Variants in MSH5 observed in about 807,000 individuals in gnomAD.
The protein encoded by MSH5 is mutS homolog 5.
MSH5 carries 78 observed loss-of-function variants against 107.7 expected under a neutral mutation model. The observed-to-expected ratio is 0.72, with a 90% CI of 0.60 to 0.87. The LOEUF is 0.87. Among genes scored for constraint, MSH5 ranks in the 40% least tolerant of loss-of-function variants. The probability of loss-of-function intolerance (pLI) is 0.00; values close to 1 mark genes in which losing one functional copy is unlikely to be tolerated. For synonymous variants in MSH5, 326 were observed against 399.5 expected, an observed-to-expected ratio of 0.82 and a Z score of 2.19; for missense variants, 889 against 1,046.6, an observed-to-expected ratio of 0.85 and a Z score of 2.08.
In MSH5 at chr6:31,740,485, A is replaced by T; in HGVS notation, c.19A>T (p.Asn7Tyr). ...CAAGCTCATGGCCTCCTTAGGAGCGAACCCAAGGAGGACACCGCAGGGACC... is the reference window on the plus strand; with the variant it reads ...CAAGCTCATGGCCTCCTTAGGAGCGTACCCAAGGAGGACACCGCAGGGACC... Reference protein sequence around the residue: MASLGANPRRTPQGPRP... With the variant: MASLGAYPRRTPQGPRP... The change falls in exon 2 of 25, where the codon AAC (asparagine) becomes TAC (tyrosine). Residue 7 changes from asparagine (N) to tyrosine (Y), a missense_variant. Physicochemically the swap from Asn to Tyr is moderately radical, Grantham distance 143. Transcript: ENST00000375750. The surrounding 1 kb of genome is among the most constrained non-coding windows in gnomAD (Gnocchi z 4.4). The T allele has an allele frequency of 6.4e-7, 1 of 1,568,346 alleles. No individual in the cohort carries two copies. Among genetic ancestry groups the T allele is most frequent in the Non-Finnish European group, 8.6e-7 (1 of 1,156,214 alleles).
rs1164433563 is a variant in MSH5, at chr6:31,759,415, C to G, written c.1408-10C>G. The G allele has an allele frequency of 6.2e-7, 1 of 1,612,574 alleles. No homozygotes were observed. Among genetic ancestry groups the G allele is most frequent in the Admixed American group, 1.7e-5 (1 of 60,006 alleles). ...ATGCAAAGTCCACAGCTTTGAACCC[C>G]TGTACCCAGTTTCTCTCAGAGGAGA... On this transcript the variant is annotated splice_polypyrimidine_tract_variant and intron_variant, in intron 16 of 24. Transcript: ENST00000375750. This position sits in a 1 kb window ranked among gnomAD's most constrained non-coding sequence, Gnocchi z 4.7.
At chr6:31,753,876 C>T (rs1810201758) in intron 12 of MSH5, 1 of 444,228 alleles carries the variant, frequency 2.3e-6, no homozygotes, top group Non-Finnish European at 4.2e-6. Context: ...CAAGCGCCCG[C>T]CACCATGCCT....
chr6:31,750,295 G>T (rs1333522313), intron 10 of MSH5, among the ~76,000 whole-genome samples: 1 of 152,198 alleles, frequency 6.6e-6, no homozygotes, highest in Non-Finnish European at 1.5e-5. Flanking sequence ...AGGGCCAGAT[G>T]TGGTGGCTCA....
In MSH5 at chr6:31,762,612, C is replaced by A; in HGVS notation, c.*81C>A. 1.2e-6 allele frequency: 1 copy of A among 819,198 alleles called. No individual in the cohort carries two copies. The highest frequency in any genetic ancestry group is 2.0e-6 in the Non-Finnish European group (1 of 493,932). 50.7% of individuals were successfully genotyped at this position (819,198 alleles called of 1,614,324 possible). A position where few individuals can be genotyped will look rare whatever the true frequency, so the allele number is the denominator to read the frequency against. On this transcript the variant is annotated 3_prime_UTR_variant, in exon 25 of 25. Transcript: ENST00000375750. The stretch of plus-strand genomic sequence containing the variant: ...TCTTTGTTTCCTTATCTCCCTCAGA[C>A]GCAGAGTTTTTAGTTTCTCTAGAAA...
chr6:31,756,963 C>T (rs1361286119), intron 12 of MSH5: 2 of 151,180 alleles, frequency 1.3e-5, no homozygotes, highest in African/African-American at 4.9e-5. Context: ...CAATATGGAA[C>T]GCTTCTTGAA....
intron 3 of MSH5, 56 bp downstream of exon 3, chr6:31,741,342 C>T: frequency 3.5e-6 from 1 of 282,652 alleles, no homozygotes; most frequent in Non-Finnish European, 4.9e-6. Flanking sequence ...GTGTTACACA[C>T]ACACACACAC....
At chr6:31,755,750 C>T (rs1810394066) in intron 12 of MSH5, among the ~76,000 whole-genome samples, 1 of 152,162 alleles carries the variant, frequency 6.6e-6, no homozygotes. Flanking sequence ...CCTGCTTGGG[C>T]CTCCCAAAGT....
At chr6:31,762,388 C>A in intron 24 of MSH5, 32 bp from the exon 25 acceptor site, 1 of 1,517,256 alleles carries the variant, frequency 6.6e-7, no homozygotes, top group Non-Finnish European at 9.2e-7. Context: ...GTCCATTCTG[C>A]CATAAATCTT....
rs928368222 is a variant in MSH5 at position 31,741,053 on chromosome 6, A to T, written c.148-110A>T. On this transcript the variant is annotated intron_variant, in intron 2 of 24. Transcript: ENST00000375750. The stretch of plus-strand genomic sequence containing the variant: ...GTTTCACATTCACTAAATGGGGGTG[A>T]TGATGCCTATCTCAGAGATTTGAGA... 2.9e-6 allele frequency: 4 copies of T among 1,379,642 alleles called. No individual in the cohort carries two copies. The African/African-American group carries it at 5.8e-5, about 20-fold the overall frequency. 85.5% of individuals were successfully genotyped at this position (1,379,642 alleles called of 1,614,324 possible).
chr6:31,740,500 C>A lies in MSH5; in HGVS notation c.34C>A (p.Pro12Thr). 4 of 1,567,816 alleles carry A rather than the reference C, an allele frequency of 2.6e-6. No homozygotes were observed. The South Asian group carries it at 4.7e-5, about 18-fold the overall frequency. Residue 12 changes from proline to threonine, a missense_variant, in exon 2 of 25, where the codon CCG (proline) becomes ACG (threonine). Transcript: ENST00000375750. This position sits in a 1 kb window ranked among gnomAD's most constrained non-coding sequence, Gnocchi z 4.4. ...ASLGANPRRT[P>T]QGPRPGAASS... ...CTTAGGAGCGAACCCAAGGAGGACA[C>A]CGCAGGGACCGAGACCTGGGGCGGC...
chr6:31,747,784 T>C (rs569533194), intron 10 of MSH5, among the ~76,000 whole-genome samples: 49 of 152,204 alleles, frequency 3.2e-4, no homozygotes, highest in Non-Finnish European at 6.3e-4. Flanking sequence ...GGTGGGTGAA[T>C]CACTTGAGGT....
chr6:31,742,843 CT>C (rs1174178340), intron 3 of MSH5, 33 bp from the exon 4 acceptor site: 1 of 1,601,906 alleles, frequency 6.2e-7, no homozygotes, highest in East Asian at 2.2e-5. Flanking sequence ...GACAAAGATC[CT>C]TTAACTCATT....
chr6:31,747,467 A>G, intron 10 of MSH5, 35 bp downstream of exon 10: 4 of 1,605,034 alleles, frequency 2.5e-6, no homozygotes, highest in Non-Finnish European at 1.7e-6. Flanking sequence ...ACACTAATGC[A>G]TGAATTCCAT....
intron 12 of MSH5, chr6:31,756,507 A>G (rs1439523783): frequency 6.6e-6 from 1 of 152,198 alleles, no homozygotes; most frequent in Non-Finnish European, 1.5e-5. Context: ...AAGTAGTAGC[A>G]TTTAAATCTC....
At position 31,740,725 on chromosome 6, in the gene MSH5, C is replaced by A; in HGVS notation, c.147+112C>A. On this transcript the variant is annotated intron_variant, in intron 2 of 24. Transcript: ENST00000375750. The surrounding 1 kb of genome is among the most constrained non-coding windows in gnomAD (Gnocchi z 4.4). ...CCTGTAATCTTAGCACTTTGGGAGACTGAGGCGGGCGGATCACCTGAGCTC... is the reference window on the plus strand; with the variant it reads ...CCTGTAATCTTAGCACTTTGGGAGAATGAGGCGGGCGGATCACCTGAGCTC... 8.2e-7 allele frequency: 1 copy of A among 1,225,624 alleles called. No individual in the cohort carries two copies. 75.9% of individuals were successfully genotyped at this position (1,225,624 alleles called of 1,614,324 possible).
In MSH5 at chr6:31,753,992, C is replaced by T. The variant is rs1393353611; in HGVS notation, c.1014+363C>T. 4 of 221,566 alleles carry T rather than the reference C, an allele frequency of 1.8e-5. No homozygotes were observed. The East Asian group carries it at 3.7e-4, about 21-fold the overall frequency. 13.7% of individuals were successfully genotyped at this position (221,566 alleles called of 1,614,324 possible). ...CCACCTGCCTCAGCCTCCCAAGGTG[C>T]TGGGATTACAGGTGTGAACCACCAG... On this transcript the variant is annotated intron_variant, in intron 12 of 24. Transcript: ENST00000375750.
At position 31,752,209 on chromosome 6, in the gene MSH5, G is replaced by A. The variant is rs889373930; in HGVS notation, c.813-1092G>A. Among the ~76,000 whole-genome samples the A allele has an allele frequency of 3.3e-5, 5 of 152,124 alleles. No individual in the cohort carries two copies. In the South Asian group the frequency reaches 8.3e-4, roughly 25 times the overall value. On this transcript the variant is annotated intron_variant, in intron 10 of 24. Coordinates refer to ENST00000375750, the MANE Select transcript of MSH5 (RefSeq NM_172166.4). ...TAATCCCAGCACTTTGGGAGGCCGA[G>A]GCGGGTGGATCACAAGGTCAGGAGT... is the stretch of plus-strand genomic sequence containing the variant.
At chr6:31,743,077 G>A (rs1294631700) in intron 4 of MSH5, 31 bp from the exon 5 acceptor site, 1 of 1,612,762 alleles carries the variant, frequency 6.2e-7, no homozygotes. Flanking sequence ...GAGATGTAAA[G>A]AATGATAGCC....
intron 8 of MSH5, 66 bp from the exon 9 acceptor site, chr6:31,745,171 A>G (rs1169376251): frequency 2.2e-6 from 2 of 907,814 alleles, no homozygotes; most frequent in Non-Finnish European, 3.7e-6. Context: ...TCCATTTATC[A>G]GTCCTCAATT....
Sources: allele counts gnomAD v4.1 joint callset (sites outside exome capture counted in the v4.1 genomes callset), GRCh38; gene constraint gnomAD v4.1.1; non-coding constraint Gnocchi (gnomAD v3.1); transcripts MANE v1.5; gene names NCBI Gene and HGNC (gene_info 2026-07-23, HGNC 2026-07-21).